The following PCDHGB5 variants were observed in gnomAD, a reference collection of about 807,000 sequenced individuals.
The protein encoded by PCDHGB5 is protocadherin gamma-B5.
In PCDHGB5, 48 loss-of-function variants were observed where a neutral mutation model predicts 62.9. That is an observed-to-expected ratio of 0.76 (90% confidence interval 0.61 to 0.97). The LOEUF is 0.97. Among genes scored for constraint, PCDHGB5 ranks in the 50% least tolerant of loss-of-function variants. The pLI, the probability that PCDHGB5 is intolerant of heterozygous loss-of-function variation, is 0.00. For synonymous variants in PCDHGB5, 474 were observed against 511.2 expected (o/e 0.93, Z 0.98); for missense variants, 1,118 against 1,198.6 (o/e 0.93, Z 0.99).
chr5:141,465,125 G>A (rs1003967387), intron 1 of PCDHGB5, among the ~76,000 whole-genome samples: 1 of 151,194 alleles, frequency 6.6e-6, no homozygotes, highest in Non-Finnish European at 1.5e-5. Context: ...GCCTAAATTT[G>A]TAAAAAGTTT....
At position 141,400,027 on chromosome 5, in the gene PCDHGB5, G is replaced by A; in HGVS notation, c.1900G>A (p.Ala634Thr). ...GCGTGCCTTGGGCGACAGGGACGCG[G>A]CCCGCCAGCGCCTGCTGGTTGCTGT... The part of the protein sequence containing the change: ...TARALGDRDA[A>T]RQRLLVAVRD... Residue 634 changes from alanine to threonine, a missense_variant, in exon 1 of 4, where the codon GCC becomes ACC. By Grantham distance (58) the Ala-to-Thr change is moderately conservative. Coordinates refer to ENST00000617380, the MANE Select transcript of PCDHGB5 (RefSeq NM_018925.3). The A allele has an allele frequency of 1.2e-5, 20 of 1,612,664 alleles. No individual in the cohort carries two copies. Among genetic ancestry groups the A allele is most frequent in the Non-Finnish European group, 1.7e-5 (20 of 1,179,732 alleles).
intron 1 of PCDHGB5, among the ~76,000 whole-genome samples, chr5:141,460,682 T>A (rs957470916): frequency 3.3e-5 from 5 of 152,134 alleles, no homozygotes; most frequent in African/African-American, 1.2e-4. Flanking sequence ...TATATCTATA[T>A]ATCCACCAAC....
chr5:141,410,779 T>C, intron 1 of PCDHGB5: 4 of 947,572 alleles, frequency 4.2e-6, no homozygotes, highest in Non-Finnish European at 6.0e-6. Flanking sequence ...TTTCACTATG[T>C]ATTTGGTTCA....
At chr5:141,411,309 C>A (rs2095479833) in intron 1 of PCDHGB5, 1 of 152,130 alleles carries the variant, frequency 6.6e-6, no homozygotes, top group African/African-American at 2.4e-5. Context: ...GTGGCTCACA[C>A]CTATAATCAC....
chr5:141,468,648 C>G (rs60206946), intron 1 of PCDHGB5: 27,626 of 151,800 alleles, frequency 0.18, 2,687 homozygotes, highest in Admixed American at 0.28. Flanking sequence ...GGGCGGATCA[C>G]AAGGTCAGGA....
chr5:141,451,565 C>A (rs1336048717), intron 1 of PCDHGB5, among the ~76,000 whole-genome samples: 2 of 152,062 alleles, frequency 1.3e-5, no homozygotes, highest in South Asian at 2.1e-4. Flanking sequence ...AAGCCACAAT[C>A]TTTTTATAAA....
At chr5:141,404,403 A>G (rs767148207) in intron 1 of PCDHGB5, 2 of 1,613,896 alleles carry the variant, frequency 1.2e-6, no homozygotes, top group East Asian at 4.5e-5. Flanking sequence ...AGCAATGAGA[A>G]TTCTAGAGTT....
rs2099450974 is a variant in PCDHGB5 at position 141,478,361 on chromosome 5, G to A, written c.2398-16446G>A. 6 of 1,613,776 alleles carry A rather than the reference G, an allele frequency of 3.7e-6. No individual in the cohort carries two copies. The East Asian group carries it at 1.3e-4, about 36-fold the overall frequency. ...CTCCTTGCACGCGGACGCCGTGCGGGGAGGCCTGATGTCGCCGCACCTTTA... is the reference window on the plus strand; with the variant it reads ...CTCCTTGCACGCGGACGCCGTGCGGAGAGGCCTGATGTCGCCGCACCTTTA... On this transcript the variant is annotated intron_variant, in intron 1 of 3. Coordinates refer to ENST00000617380, the MANE Select transcript of PCDHGB5 (RefSeq NM_018925.3).
At position 141,476,290 on chromosome 5, in the gene PCDHGB5, C is replaced by T. The variant is rs768208156; in HGVS notation, c.2398-18517C>T. ...TGGTCGCGAACCTTGGTTTGGATCT[C>T]GGTAGCCTCTCAGCCCGCAGGTTCC... On this transcript the variant is annotated intron_variant, in intron 1 of 3. Coordinates refer to ENST00000617380, the MANE Select transcript of PCDHGB5 (RefSeq NM_018925.3). The surrounding 1 kb of genome is among the most constrained non-coding windows in gnomAD (Gnocchi z 7.6). 1.7e-5 allele frequency: 27 copies of T among 1,613,932 alleles called. No individual in the cohort carries two copies. Among genetic ancestry groups the T allele is most frequent in the Non-Finnish European group, 2.3e-5 (27 of 1,180,018 alleles).
intron 1 of PCDHGB5, chr5:141,409,169 G>A (rs371896881): frequency 3.5e-5 from 56 of 1,613,906 alleles, no homozygotes; most frequent in Non-Finnish European, 4.2e-5. Flanking sequence ...GGAAGCGAAG[G>A]ACGGAGGTGG....
chr5:141,490,249 C>T lies in PCDHGB5; in HGVS notation c.2398-4558C>T, dbSNP rs2099697737. On this transcript the variant is annotated intron_variant, in intron 1 of 3. Coordinates refer to ENST00000617380, the MANE Select transcript of PCDHGB5 (RefSeq NM_018925.3). The surrounding 1 kb of genome is among the most constrained non-coding windows in gnomAD (Gnocchi z 5.4). ...TGCCATGGAGGGCCACTGTGTGATT[C>T]AAGTGGATGTGGGGGATGTCAATGA... The T allele has an allele frequency of 1.2e-6, 2 of 1,614,218 alleles. No individual in the cohort carries two copies. The highest frequency in any genetic ancestry group is 1.7e-6 in the Non-Finnish European group (2 of 1,180,044).
chr5:141,432,575 T>TACC lies in PCDHGB5; in HGVS notation c.2397+32052_2397+32054dup, dbSNP rs1044250629. 6.2e-7 allele frequency: 1 copy of TACC among 1,613,326 alleles called. No individual in the cohort carries two copies. The highest frequency in any genetic ancestry group is 1.3e-5 in the African/African-American group (1 of 74,718). ...CTCCGGCCAGAACGCCTGGCTGTCC[T>TACC]ACCGTCTGCTCAAGGCCAGCGAGCC... On this transcript the variant is annotated intron_variant, in intron 1 of 3. Transcript: ENST00000617380. This position sits in a 1 kb window ranked among gnomAD's most constrained non-coding sequence, Gnocchi z 6.0.
At position 141,498,971 on chromosome 5, in the gene PCDHGB5, G is replaced by GGGAAGGAAGGAA. The variant is rs201769957; in HGVS notation, c.2456+4152_2456+4163dup. On this transcript the variant is annotated intron_variant, in intron 2 of 3. Coordinates refer to ENST00000617380, the MANE Select transcript of PCDHGB5 (RefSeq NM_018925.3). ...AAAAAGAGAGAGAGGGAGGGAGGGA[G>GGGAAGGAAGGAA]GGAAGGAAGGAAGGAAGGAAGGAAG... 6.8e-3 allele frequency among the ~76,000 whole-genome samples: 758 copies of GGGAAGGAAGGAA among 111,036 alleles called. 12 individuals are homozygous for GGGAAGGAAGGAA. Among genetic ancestry groups the GGGAAGGAAGGAA allele is most frequent in the African/African-American group, 0.021 (585 of 27,816 alleles). 72.8% of individuals were successfully genotyped at this position (111,036 alleles called of 152,430 possible). A position where few individuals can be genotyped will look rare whatever the true frequency, so the allele number is the denominator to read the frequency against.
chr5:141,447,864 T>A (rs2098553913), intron 1 of PCDHGB5, among the ~76,000 whole-genome samples: 1 of 152,098 alleles, frequency 6.6e-6, no homozygotes, highest in Non-Finnish European at 1.5e-5. Context: ...GGTGGGTGAA[T>A]CATCTGAGGT....
intron 1 of PCDHGB5, chr5:141,478,647 T>G (rs2099469515): frequency 6.4e-7 from 1 of 1,552,152 alleles, no homozygotes; most frequent in Non-Finnish European, 8.7e-7. Flanking sequence ...GAAGATGTTT[T>G]CCTGGTGATG....
At position 141,486,182 on chromosome 5, in the gene PCDHGB5, C is replaced by G. The variant is rs1288782056; in HGVS notation, c.2398-8625C>G. On this transcript the variant is annotated intron_variant, in intron 1 of 3. Transcript: ENST00000617380. This position sits in a 1 kb window ranked among gnomAD's most constrained non-coding sequence, Gnocchi z 5.0. ...AGCCATGGAGCAACATTGCAGCCTT[C>G]GAGTGGATCTGCTGGACGTAAATGA... 1 of 1,614,198 alleles carries G rather than the reference C, an allele frequency of 6.2e-7. No individual in the cohort carries two copies. Among genetic ancestry groups the G allele is most frequent in the Non-Finnish European group, 8.5e-7 (1 of 1,180,028 alleles).
At chr5:141,455,449 G>A (rs1421095381) in intron 1 of PCDHGB5, among the ~76,000 whole-genome samples, 1 of 152,126 alleles carries the variant, frequency 6.6e-6, no homozygotes, top group Non-Finnish European at 1.5e-5. Flanking sequence ...CATCTACCGC[G>A]GATACCAGCC....
At chr5:141,430,149 C>T (rs1051033560) in intron 1 of PCDHGB5, among the ~76,000 whole-genome samples, 4 of 151,968 alleles carry the variant, frequency 2.6e-5, no homozygotes, top group African/African-American at 9.7e-5. Flanking sequence ...CAGGATCATT[C>T]AAGGAATCTA....
At chr5:141,448,862 G>A (rs1406203589) in intron 1 of PCDHGB5, among the ~76,000 whole-genome samples, 2 of 151,996 alleles carry the variant, frequency 1.3e-5, no homozygotes, top group African/African-American at 2.4e-5. Context: ...GGAGAATGGC[G>A]TGAACCTGGG....
Sources: allele counts gnomAD v4.1 joint callset (sites outside exome capture counted in the v4.1 genomes callset), GRCh38; gene constraint gnomAD v4.1.1; non-coding constraint Gnocchi (gnomAD v3.1); transcripts MANE v1.5; gene names NCBI Gene and HGNC (gene_info 2026-07-23, HGNC 2026-07-21).